Variants in NBAS observed in about 807,000 individuals in gnomAD.
NBAS encodes the protein NAG/BC035112 fusion.
A neutral mutation model predicts 302.5 loss-of-function variants in NBAS; 219 were observed. The ratio of observed to expected loss-of-function variants is 0.72; its 90% CI spans 0.65 to 0.81. The LOEUF is 0.81. NBAS is among the 30% of genes least tolerant of loss of function. The pLI, the probability that NBAS is intolerant of heterozygous loss-of-function variation, is 0.00. For missense variants in NBAS, 2,932 were observed against 2,841.6 expected, an observed-to-expected ratio of 1.03 and a Z score of -0.72; for synonymous variants, 1,118 against 1,021.6, an observed-to-expected ratio of 1.09 and a Z score of -1.80.
intron 48 of NBAS, among the ~76,000 whole-genome samples, chr2:15,201,877 C>T (rs1411543608): frequency 6.6e-6 from 1 of 152,176 alleles, no homozygotes; most frequent in Admixed American, 6.5e-5. Flanking sequence ...AAACAATTGT[C>T]CCTAGCTCAT....
chr2:15,268,255 T>TA (rs1385187646), intron 44 of NBAS, among the ~76,000 whole-genome samples: 1 of 152,184 alleles, frequency 6.6e-6, no homozygotes, highest in Non-Finnish European at 1.5e-5. Context: ...AAACAATTGA[T>TA]ACACTCTTCT....
At chr2:15,077,715 G>A in the NBAS span, among the ~76,000 whole-genome samples, 7 of 142,426 alleles carry the variant, frequency 4.9e-5, no homozygotes, top group Non-Finnish European at 9.0e-5. Context: ...ATGGGGTCTC[G>A]CTCTGTTGCC....
At chr2:15,247,159 G>A (rs1317197607) in intron 44 of NBAS, among the ~76,000 whole-genome samples, 1 of 152,190 alleles carries the variant, frequency 6.6e-6, no homozygotes, top group Non-Finnish European at 1.5e-5. Flanking sequence ...AGCGTTACGG[G>A]AAAGGTGTCC....
the NBAS span, among the ~76,000 whole-genome samples, chr2:15,153,801 G>A: frequency 1.3e-5 from 2 of 152,226 alleles, no homozygotes; most frequent in Non-Finnish European, 2.9e-5. Flanking sequence ...TATGTAAAAT[G>A]AAGGTAATTC....
chr2:14,996,293 C>T, the NBAS span, among the ~76,000 whole-genome samples: 1 of 152,088 alleles, frequency 6.6e-6, no homozygotes, highest in Non-Finnish European at 1.5e-5. Context: ...TGGCTTTTTT[C>T]ATCCTGATGA....
chr2:14,856,871 A>G, the NBAS span, among the ~76,000 whole-genome samples: 6 of 152,108 alleles, frequency 3.9e-5, no homozygotes, highest in Non-Finnish European at 2.9e-5. Flanking sequence ...ATTGGAAAAA[A>G]GGTATTCAAA....
At chr2:15,288,741 C>T (rs1444740694) in intron 41 of NBAS, among the ~76,000 whole-genome samples, 2 of 152,206 alleles carry the variant, frequency 1.3e-5, no homozygotes, top group Non-Finnish European at 2.9e-5. Flanking sequence ...TGGGTGAAAG[C>T]ACAGAGACAG....
intron 47 of NBAS, among the ~76,000 whole-genome samples, chr2:15,230,246 C>T (rs1367514408): frequency 6.6e-6 from 1 of 152,120 alleles, no homozygotes; most frequent in Admixed American, 6.5e-5. Context: ...CTGGAAAACA[C>T]AAACTGTCTC....
chr2:15,278,832 AATGGAAGGCTT>A (rs1669703469), intron 42 of NBAS, among the ~76,000 whole-genome samples: 1 of 152,222 alleles, frequency 6.6e-6, no homozygotes. Flanking sequence ...AATCAATGAT[AATGGAAGGCTT>A]AGTGAAAGAA....
chr2:15,211,075 C>A (rs1367524123), intron 48 of NBAS, among the ~76,000 whole-genome samples: 1 of 151,884 alleles, frequency 6.6e-6, no homozygotes, highest in Non-Finnish European at 1.5e-5. Flanking sequence ...AACAGGATGA[C>A]TATAGTAAAA....
At chr2:14,810,719 G>A in the NBAS span, among the ~76,000 whole-genome samples, 78 of 152,302 alleles carry the variant, frequency 5.1e-4, 1 homozygote, top group African/African-American at 1.8e-3. Flanking sequence ...AGGGCTTTGT[G>A]AGGATTAAAA....
intron 51 of NBAS, among the ~76,000 whole-genome samples, chr2:15,173,699 G>T (rs1664401819): frequency 2.0e-5 from 3 of 152,084 alleles, no homozygotes; most frequent in Admixed American, 2.0e-4. Context: ...CAAATCATCT[G>T]CTCACGATCT....
At chr2:15,278,454 T>G (rs1335172379) in intron 42 of NBAS, among the ~76,000 whole-genome samples, 1 of 152,216 alleles carries the variant, frequency 6.6e-6, no homozygotes, top group Non-Finnish European at 1.5e-5. Context: ...TTGTCTATCT[T>G]CCTTCCTAGA....
At chr2:14,780,364 A>G in the NBAS span, among the ~76,000 whole-genome samples, 1 of 152,242 alleles carries the variant, frequency 6.6e-6, no homozygotes, top group Non-Finnish European at 1.5e-5. Flanking sequence ...TTTTGGATTC[A>G]GTCTGGAAGT....
chr2:15,547,134 T>C (rs1004159250), intron 6 of NBAS, among the ~76,000 whole-genome samples: 5 of 152,216 alleles, frequency 3.3e-5, no homozygotes, highest in African/African-American at 1.2e-4. Flanking sequence ...CAAAACAAGT[T>C]ACAATCCACA....
intron 38 of NBAS, among the ~76,000 whole-genome samples, chr2:15,320,227 A>T (rs999077051): frequency 6.6e-6 from 1 of 152,208 alleles, no homozygotes; most frequent in African/African-American, 2.4e-5. Context: ...TCAATAAACT[A>T]GGTACTGATG....
At chr2:14,850,226 G>A in the NBAS span, among the ~76,000 whole-genome samples, 1 of 132,984 alleles carries the variant, frequency 7.5e-6, no homozygotes, top group East Asian at 1.9e-4. Flanking sequence ...ATAAAAGGAT[G>A]GAGGAAGATC....
At chr2:15,551,003 G>GT (rs1176597330) in intron 6 of NBAS, among the ~76,000 whole-genome samples, 16 of 152,156 alleles carry the variant, frequency 1.1e-4, no homozygotes, top group African/African-American at 3.9e-4. Context: ...ATTTGTCAAA[G>GT]TTTGTAATTA....
At chr2:14,816,067 T>C in the NBAS span, among the ~76,000 whole-genome samples, 21 of 152,332 alleles carry the variant, frequency 1.4e-4, no homozygotes, top group East Asian at 2.7e-3. Flanking sequence ...TCCAAAATGA[T>C]TCTTCTAAAA....
Sources: gnomAD v4.1 joint callset for allele counts (sites outside exome capture counted in the v4.1 genomes callset) on GRCh38, gnomAD v4.1.1 for gene constraint, MANE v1.5 for transcripts, NCBI Gene and HGNC (gene_info 2026-07-23, HGNC 2026-07-21) for gene names.